FBXW10B: variants seen among roughly 807,000 people sequenced by gnomAD.
FBXW10B encodes F-box and WD repeat domain containing protein 10B.
At chr17:15,580,990 C>T in the FBXW10B span, among the ~76,000 whole-genome samples, 8 of 152,170 alleles carry the variant, frequency 5.3e-5, no homozygotes, top group Non-Finnish European at 7.3e-5. Flanking sequence ...AAATAATTTG[C>T]TCAAGATCAC....
chr17:15,602,636 T>G, the FBXW10B span, among the ~76,000 whole-genome samples: 1 of 96,644 alleles, frequency 1.0e-5, no homozygotes, highest in African/African-American at 5.7e-5. Flanking sequence ...TTTTTTTTTT[T>G]TTTTTTTTTT....
the FBXW10B span, among the ~76,000 whole-genome samples, chr17:15,610,845 A>T: frequency 6.6e-6 from 1 of 152,164 alleles, no homozygotes; most frequent in Non-Finnish European, 1.5e-5. Context: ...GTTATACTTA[A>T]AACAGCAACA....
At chr17:15,607,774 G>C in the FBXW10B span, 2 of 1,216,122 alleles carry the variant, frequency 1.6e-6, no homozygotes, top group Admixed American at 4.4e-5. Flanking sequence ...TAAGGGCACA[G>C]GGCTCACAGA....
At chr17:15,586,819 T>A in the FBXW10B span, among the ~76,000 whole-genome samples, 1 of 151,452 alleles carries the variant, frequency 6.6e-6, no homozygotes, top group African/African-American at 2.4e-5. Context: ...ACAGTAGAGA[T>A]AGAAGGGATA....
chr17:15,613,698 G>A, the FBXW10B span: 1 of 1,610,120 alleles, frequency 6.2e-7, no homozygotes. Context: ...GCCCAGTGCT[G>A]GCTCACAGAG....
the FBXW10B span, among the ~76,000 whole-genome samples, chr17:15,570,416 A>G: frequency 1.3e-5 from 2 of 152,202 alleles, no homozygotes; most frequent in Non-Finnish European, 2.9e-5. Flanking sequence ...TGCAAAATAT[A>G]TGTGTAAGGA....
chr17:15,588,786 C>T, the FBXW10B span: 2 of 979,602 alleles, frequency 2.0e-6, no homozygotes, highest in South Asian at 1.3e-5. Flanking sequence ...TTGTCAGTGC[C>T]GATTTTAGGC....
At chr17:15,611,212 C>A in the FBXW10B span, among the ~76,000 whole-genome samples, 5 of 151,952 alleles carry the variant, frequency 3.3e-5, no homozygotes, top group African/African-American at 4.8e-5. Context: ...TTAGTAGAGA[C>A]AGGGTTTCAC....
chr17:15,588,960 C>G, the FBXW10B span: 1 of 1,613,442 alleles, frequency 6.2e-7, no homozygotes, highest in Admixed American at 1.7e-5. Context: ...TCAACATTTT[C>G]CTGTATACCT....
the FBXW10B span, among the ~76,000 whole-genome samples, chr17:15,599,783 A>G: frequency 6.6e-6 from 1 of 151,926 alleles, no homozygotes. Flanking sequence ...GACAGGACAA[A>G]GCAGAATGCT....
chr17:15,570,903 T>C, the FBXW10B span, among the ~76,000 whole-genome samples: 1 of 152,088 alleles, frequency 6.6e-6, no homozygotes, highest in East Asian at 1.9e-4. Flanking sequence ...TTCATCAAAA[T>C]TAAAAACTTC....
the FBXW10B span, among the ~76,000 whole-genome samples, chr17:15,613,109 GAAA>G: frequency 1.8e-5 from 1 of 55,848 alleles, no homozygotes; most frequent in East Asian, 8.9e-4. Context: ...CTCTGCTGGG[GAAA>G]AAAAAAAAAT....
the FBXW10B span, among the ~76,000 whole-genome samples, chr17:15,611,431 C>T: frequency 1.3e-5 from 2 of 152,120 alleles, no homozygotes; most frequent in East Asian, 1.9e-4. Context: ...TTCTATCTTC[C>T]AAGACTTAGA....
At chr17:15,615,732 A>G in the FBXW10B span, 29 of 1,613,844 alleles carry the variant, frequency 1.8e-5, no homozygotes, top group Non-Finnish European at 2.3e-5. Context: ...GCTGTCCAAT[A>G]GACTTGTGAG....
the FBXW10B span, among the ~76,000 whole-genome samples, chr17:15,566,784 T>G: frequency 6.6e-6 from 1 of 151,128 alleles, no homozygotes; most frequent in East Asian, 2.0e-4. Flanking sequence ...CAGGATGGTC[T>G]CGATCTCCTG....
the FBXW10B span, among the ~76,000 whole-genome samples, chr17:15,589,470 G>T: frequency 2.0e-5 from 3 of 151,676 alleles, no homozygotes; most frequent in East Asian, 1.9e-4. Flanking sequence ...CATCAAAGGG[G>T]TTTCATCTCA....
the FBXW10B span, among the ~76,000 whole-genome samples, chr17:15,593,007 G>A: frequency 9.0e-5 from 13 of 144,742 alleles, 1 homozygote; most frequent in Admixed American, 7.0e-4. Flanking sequence ...GGGAGGCTGA[G>A]GCAGAGAATT....
At chr17:15,596,861 G>T in the FBXW10B span, among the ~76,000 whole-genome samples, 1 of 152,120 alleles carries the variant, frequency 6.6e-6, no homozygotes, top group African/African-American at 2.4e-5. Flanking sequence ...AGCACAGAGC[G>T]CCCTGAATAC....
At chr17:15,603,149 G>A in the FBXW10B span, among the ~76,000 whole-genome samples, 1 of 151,380 alleles carries the variant, frequency 6.6e-6, no homozygotes, top group Admixed American at 6.6e-5. Flanking sequence ...CTCCCAAAGT[G>A]CTGGGCTTAC....
Sources: gnomAD v4.1 joint callset for allele counts (sites outside exome capture counted in the v4.1 genomes callset) on GRCh38, gnomAD v4.1.1 for gene constraint, MANE v1.5 for transcripts, NCBI Gene and HGNC (gene_info 2026-07-23, HGNC 2026-07-21) for gene names.